The following INPP4A variants were observed in gnomAD, a reference collection of about 807,000 sequenced individuals.
INPP4A encodes the protein inositol polyphosphate-4-phosphatase type I A.
A neutral mutation model predicts 119.8 loss-of-function variants in INPP4A; 33 were observed. That is an observed-to-expected ratio of 0.28 (90% confidence interval 0.21 to 0.37). The LOEUF (loss-of-function observed/expected upper bound fraction) is 0.37. Ranked by LOEUF, INPP4A falls within the 10% of genes least tolerant of loss-of-function variation. The pLI is 1.00. For synonymous variants in INPP4A, 496 were observed against 500.7 expected (o/e 0.99, Z 0.12); for missense variants, 956 against 1,289.9 (o/e 0.74, Z 3.97).
chr2:98,574,137 T>G (rs1697996623), intron 23 of INPP4A, among the ~76,000 whole-genome samples: 1 of 152,142 alleles, frequency 6.6e-6, no homozygotes, highest in South Asian at 2.1e-4. Context: ...CATCTGGCAT[T>G]GCTTGCTCAG....
At chr2:98,485,215 A>G (rs1679296441) in intron 1 of INPP4A, among the ~76,000 whole-genome samples, 1 of 152,230 alleles carries the variant, frequency 6.6e-6, no homozygotes, top group African/African-American at 2.4e-5. Flanking sequence ...GAGCTGAAGA[A>G]ATGTTACTTC....
intron 1 of INPP4A, among the ~76,000 whole-genome samples, chr2:98,467,861 ATTAG>A (rs1196266818): frequency 6.6e-6 from 1 of 152,208 alleles, no homozygotes; most frequent in African/African-American, 2.4e-5. Flanking sequence ...ATAGTTATCT[ATTAG>A]TTATTAACTG....
rs1411442375 is a variant in INPP4A at position 98,546,659 on chromosome 2, C to T, written c.1128C>T (p.Arg376=). The part of the protein sequence containing the change: ...HCQGFKSGGL[R]KKLHKFEETK... ...AAGGTTTTAAGTCAGGAGGTCTCCG[C>T]AAAAAGCTGCACAAATTTGAAGAGA... Residue 376 remains arginine (R), a synonymous_variant, in exon 13 of 25, where the codon CGC becomes CGT. Coordinates refer to ENST00000409851, the MANE Select transcript of INPP4A (RefSeq NM_001134225.2). The surrounding 1 kb of genome is among the most constrained non-coding windows in gnomAD (Gnocchi z 4.2). The T allele has an allele frequency of 6.2e-7, 1 of 1,613,362 alleles. No homozygotes were observed. Among genetic ancestry groups the T allele is most frequent in the Non-Finnish European group, 8.5e-7 (1 of 1,179,364 alleles).
In INPP4A at chr2:98,554,800, A is replaced by G. The variant is rs78430372; in HGVS notation, c.1566+311A>G. On this transcript the variant is annotated intron_variant, in intron 15 of 24. Coordinates refer to ENST00000409851, the MANE Select transcript of INPP4A (RefSeq NM_001134225.2). The surrounding 1 kb of genome is among the most constrained non-coding windows in gnomAD (Gnocchi z 4.7). ...CCTTCCCCTGCCTCCTGTGCCTTCT[A>G]TGGCCTTGGGATGCTTGAGACCAGT... is the stretch of plus-strand genomic sequence containing the variant. Among the ~76,000 whole-genome samples, 9,386 of 152,122 alleles carry G rather than the reference A, an allele frequency of 0.062. 436 individuals are homozygous for G. The highest frequency in any genetic ancestry group is 0.098 in the Non-Finnish European group (6,635 of 67,990).
At position 98,592,274 on chromosome 2, in the gene INPP4A, CCCCAG is replaced by C. The variant is rs1051997010; in HGVS notation, c.*4672_*4676del. ...ACTGCTCTGCTGTGCACAGAAGGAA[CCCCAG>C]CCCAGAAGCACACGCTCCCTGTGGA... On this transcript the variant is annotated 3_prime_UTR_variant, in exon 25 of 25. Coordinates refer to ENST00000409851, the MANE Select transcript of INPP4A (RefSeq NM_001134225.2). The C allele has an allele frequency of 2.0e-5, 3 of 152,386 alleles. No homozygotes were observed. The highest frequency in any genetic ancestry group is 7.2e-5 in the African/African-American group (3 of 41,458). The allele number at this position is 152,386 out of a possible 1,614,324, so 9.4% of individuals were successfully genotyped here. A position where few individuals can be genotyped will look rare whatever the true frequency, so the allele number is the denominator to read the frequency against.
chr2:98,533,613 C>A, intron 5 of INPP4A, 118 bp downstream of exon 5: 2 of 667,238 alleles, frequency 3.0e-6, no homozygotes, highest in Admixed American at 2.4e-5. Context: ...TGAGTTGTTG[C>A]TATTTTCCCA....
At chr2:98,515,819 C>T (rs989543372) in intron 1 of INPP4A, among the ~76,000 whole-genome samples, 2 of 152,170 alleles carry the variant, frequency 1.3e-5, no homozygotes, top group Admixed American at 6.5e-5. Context: ...ACACCCCTCC[C>T]GTCCTGCCAG....
chr2:98,532,744 G>T (rs990165963), intron 4 of INPP4A, among the ~76,000 whole-genome samples: 3 of 152,138 alleles, frequency 2.0e-5, no homozygotes, highest in African/African-American at 7.2e-5. Context: ...GGGACGTTAG[G>T]ATGGCTATGA....
intron 4 of INPP4A, chr2:98,521,089 G>A (rs992049091): frequency 5.1e-5 from 11 of 214,002 alleles, no homozygotes; most frequent in Non-Finnish European, 1.0e-4. Flanking sequence ...GGGAAACCGG[G>A]CATAGAGTTC....
In INPP4A at chr2:98,555,697, C is replaced by T; in HGVS notation, c.1711C>T (p.Pro571Ser). The part of the protein sequence containing the change: ...AGSCTSKKGN[P>S]DSHAYWIRPE... ...CAGCTGCACCAGCAAGAAAGGTAAC[C>T]CGGACAGCCACGCCTACTGGATCAG... Residue 571 changes from proline (P) to serine (S), a missense_variant, in exon 16 of 25, where the codon CCG becomes TCG. Coordinates refer to ENST00000409851, the MANE Select transcript of INPP4A (RefSeq NM_001134225.2). 1.9e-6 allele frequency: 3 copies of T among 1,613,598 alleles called. No individual in the cohort carries two copies. The highest frequency in any genetic ancestry group is 2.5e-6 in the Non-Finnish European group (3 of 1,179,694).
chr2:98,572,329 C>T (rs927854585), intron 22 of INPP4A, among the ~76,000 whole-genome samples: 5 of 152,232 alleles, frequency 3.3e-5, no homozygotes, highest in African/African-American at 7.2e-5. Flanking sequence ...CTCTGGGTCC[C>T]GCAGAGATGT....
At chr2:98,528,213 A>G (rs1688524406) in intron 4 of INPP4A, among the ~76,000 whole-genome samples, 1 of 152,190 alleles carries the variant, frequency 6.6e-6, no homozygotes. Context: ...CTATAAAGAT[A>G]TCTAAATACA....
chr2:98,560,695 A>T (rs1428569129), intron 17 of INPP4A, among the ~76,000 whole-genome samples: 1 of 152,100 alleles, frequency 6.6e-6, no homozygotes, highest in Non-Finnish European at 1.5e-5. Flanking sequence ...GCTGACCTCC[A>T]CGGCAGGCCA....
intron 13 of INPP4A, among the ~76,000 whole-genome samples, chr2:98,548,188 G>C (rs1384643918): frequency 2.6e-5 from 4 of 152,186 alleles, no homozygotes; most frequent in Non-Finnish European, 5.9e-5. Flanking sequence ...CAGGCTGCCT[G>C]GGTGGGCCCA....
intron 10 of INPP4A, among the ~76,000 whole-genome samples, chr2:98,542,951 T>C (rs1199137837): frequency 6.7e-6 from 1 of 148,662 alleles, no homozygotes; most frequent in African/African-American, 2.5e-5. Context: ...TGAGATGGAG[T>C]CTCTATTGCC....
rs987490724 is a variant in INPP4A at position 98,554,361 on chromosome 2, A to C, written c.1438A>C (p.Lys480Gln). The C allele has an allele frequency of 1.9e-6, 3 of 1,613,652 alleles. No homozygotes were observed. The highest frequency in any genetic ancestry group is 2.5e-6 in the Non-Finnish European group (3 of 1,179,780). The change falls in exon 15 of 25, where the codon AAG (lysine) becomes CAG (glutamine). Residue 480 changes from lysine to glutamine, a missense_variant. Around this residue, in one of 2 missense-constraint regions of INPP4A, gnomAD observed 652 missense variants for 797.9 expected, o/e 0.82. Transcript: ENST00000409851. This position sits in a 1 kb window ranked among gnomAD's most constrained non-coding sequence, Gnocchi z 4.7. Reference sequence around the variant, plus strand: ...TGCACGGCCTGACTACATTGCCTCCAAGGCCTCTCCCACTTCGACTGAGGA... The same window carrying C: ...TGCACGGCCTGACTACATTGCCTCCCAGGCCTCTCCCACTTCGACTGAGGA... ...NAARPDYIAS[K>Q]ASPTSTEEEQ...
At chr2:98,561,876 GC>G (rs1349879502) in intron 17 of INPP4A, among the ~76,000 whole-genome samples, 2 of 152,178 alleles carry the variant, frequency 1.3e-5, no homozygotes. Flanking sequence ...TTTGCCTTTG[GC>G]ATTTTTAATA....
chr2:98,474,077 C>G (rs901192959), intron 1 of INPP4A, among the ~76,000 whole-genome samples: 26 of 152,226 alleles, frequency 1.7e-4, no homozygotes, highest in Non-Finnish European at 3.1e-4. Context: ...TTTTCATACC[C>G]TCTTTCTTCT....
At chr2:98,522,236 G>A (rs566660700) in intron 4 of INPP4A, among the ~76,000 whole-genome samples, 18 of 148,894 alleles carry the variant, frequency 1.2e-4, no homozygotes, top group African/African-American at 3.0e-4. Flanking sequence ...GCAGTGAGCC[G>A]AGATTGCACC....
Sources: gnomAD v4.1 joint callset for allele counts (sites outside exome capture counted in the v4.1 genomes callset) on GRCh38, gnomAD v4.1.1 for gene constraint, gnomAD v4.1.1 regional missense constraint, Gnocchi (gnomAD v3.1) non-coding constraint, MANE v1.5 for transcripts, NCBI Gene and HGNC (gene_info 2026-07-23, HGNC 2026-07-21) for gene names.